Variants in CACNA2D3 observed in about 807,000 individuals in gnomAD.
CACNA2D3 encodes the protein voltage-dependent calcium channel subunit alpha-2/delta-3.
CACNA2D3 carries 60 observed loss-of-function variants against 160.6 expected under a neutral mutation model. The ratio of observed to expected loss-of-function variants is 0.37; its 90% confidence interval spans 0.30 to 0.46. The LOEUF (loss-of-function observed/expected upper bound fraction) is 0.46. Ranked by LOEUF, CACNA2D3 falls within the 20% of genes least tolerant of loss-of-function variation. The probability of loss-of-function intolerance (pLI) is 1.00; values close to 1 mark genes in which losing one functional copy is unlikely to be tolerated. For missense variants in CACNA2D3, 1,205 were observed against 1,365.0 expected, an observed-to-expected ratio of 0.88 and a Z score of 1.85; for synonymous variants, 558 against 492.9, an observed-to-expected ratio of 1.13 and a Z score of -1.75.
chr3:54,623,129 G>A (rs1294020496), intron 9 of CACNA2D3, among the ~76,000 whole-genome samples: 1 of 152,224 alleles, frequency 6.6e-6, no homozygotes, highest in East Asian at 1.9e-4. Flanking sequence ...AAGCAGAGGA[G>A]CAAAGGTATT....
chr3:54,321,184 T>G (rs1431747406), intron 3 of CACNA2D3, among the ~76,000 whole-genome samples: 1 of 151,700 alleles, frequency 6.6e-6, no homozygotes, highest in Non-Finnish European at 1.5e-5. Flanking sequence ...GCCGGGTGTG[T>G]TGGTGGGTGC....
chr3:54,924,716 C>T (rs778981785), intron 27 of CACNA2D3: 13 of 1,614,022 alleles, frequency 8.1e-6, no homozygotes, highest in South Asian at 5.5e-5. Flanking sequence ...TCACACTGGG[C>T]ATGGATTCCA....
intron 3 of CACNA2D3, among the ~76,000 whole-genome samples, chr3:54,373,464 T>C (rs1186628161): frequency 6.6e-6 from 1 of 152,224 alleles, no homozygotes; most frequent in Non-Finnish European, 1.5e-5. Flanking sequence ...TTTAAATATA[T>C]ACATTTCACA....
chr3:54,996,727 C>G (rs2360665), intron 31 of CACNA2D3, among the ~76,000 whole-genome samples: 61,787 of 151,994 alleles, frequency 0.41, 13,884 homozygotes, highest in East Asian at 0.56. Flanking sequence ...CAGACTGGTA[C>G]TAAGCCCTGG....
At chr3:54,646,110 CCTTCCTTCCTTCCTTT>C (rs1436820648) in intron 11 of CACNA2D3, among the ~76,000 whole-genome samples, 17 of 126,050 alleles carry the variant, frequency 1.3e-4, no homozygotes, top group Admixed American at 2.7e-4. Context: ...GGTTTTCCTT[CCTTCCTTCCTTCCTTT>C]CTTCCTTCCT....
At chr3:54,412,264 C>G (rs1699679406) in intron 4 of CACNA2D3, among the ~76,000 whole-genome samples, 1 of 151,922 alleles carries the variant, frequency 6.6e-6, no homozygotes, top group African/African-American at 2.4e-5. Context: ...TTAATATATC[C>G]TGTTTTCATT....
At chr3:54,500,503 A>ACC (rs1179189211) in intron 4 of CACNA2D3, among the ~76,000 whole-genome samples, 20 of 86,226 alleles carry the variant, frequency 2.3e-4, no homozygotes, top group Non-Finnish European at 3.9e-4. Flanking sequence ...CTTCCTTCCT[A>ACC]TCTTCCTTCC....
chr3:54,387,082 T>G (rs1699200670), intron 4 of CACNA2D3, among the ~76,000 whole-genome samples: 1 of 152,196 alleles, frequency 6.6e-6, no homozygotes, highest in Non-Finnish European at 1.5e-5. Context: ...GGTGAATTGA[T>G]AAGATAGCAG....
chr3:54,438,733 AT>A (rs1487390491), intron 4 of CACNA2D3, among the ~76,000 whole-genome samples: 1 of 152,222 alleles, frequency 6.6e-6, no homozygotes, highest in African/African-American at 2.4e-5. Flanking sequence ...AAGTGCATTA[AT>A]TATCCATTAA....
At chr3:54,984,171 C>T in intron 29 of CACNA2D3, among the ~76,000 whole-genome samples, 1 of 152,138 alleles carries the variant, frequency 6.6e-6, no homozygotes, top group East Asian at 1.9e-4. Flanking sequence ...ACGGTGTTTT[C>T]ATTAATACAT....
chr3:54,505,209 A>C (rs1018318261), intron 5 of CACNA2D3, among the ~76,000 whole-genome samples: 1 of 152,162 alleles, frequency 6.6e-6, no homozygotes, highest in Admixed American at 6.5e-5. Context: ...TCCGAGGTGA[A>C]TCAGATGCAG....
At chr3:55,027,590 G>A (rs1321833615) in intron 35 of CACNA2D3, among the ~76,000 whole-genome samples, 6 of 152,076 alleles carry the variant, frequency 3.9e-5, no homozygotes, top group African/African-American at 1.4e-4. Context: ...AGATTTTTCA[G>A]GTCTAGTTCT....
chr3:54,735,871 A>AT (rs1437826333), intron 11 of CACNA2D3, among the ~76,000 whole-genome samples: 53 of 149,090 alleles, frequency 3.6e-4, no homozygotes, highest in African/African-American at 1.2e-3. Context: ...TGGAAAAAAA[A>AT]TAAAAAAATA....
chr3:54,481,207 G>C (rs75135045), intron 4 of CACNA2D3, among the ~76,000 whole-genome samples: 1 of 152,270 alleles, frequency 6.6e-6, no homozygotes, highest in Non-Finnish European at 1.5e-5. Context: ...AAGGACATTT[G>C]TTGAGAAGCC....
intron 2 of CACNA2D3, among the ~76,000 whole-genome samples, chr3:54,234,162 TA>T (rs1215245784): frequency 9.2e-5 from 14 of 151,606 alleles, no homozygotes; most frequent in Admixed American, 2.0e-4. Context: ...AAATTTACAA[TA>T]AAAAAAACTC....
chr3:54,994,667 A>G (rs2107120828), intron 31 of CACNA2D3, among the ~76,000 whole-genome samples: 1 of 152,324 alleles, frequency 6.6e-6, no homozygotes, highest in African/African-American at 2.4e-5. Flanking sequence ...CCAGGCAGTT[A>G]ACATGCATTA....
chr3:54,321,331 A>G (rs1703987533), intron 3 of CACNA2D3, among the ~76,000 whole-genome samples: 1 of 151,998 alleles, frequency 6.6e-6, no homozygotes, highest in African/African-American at 2.4e-5. Context: ...AAAAAAAAAA[A>G]AAGTTTTTAA....
At position 54,307,616 on chromosome 3, in the gene CACNA2D3, C is replaced by T. The variant is rs147241607; in HGVS notation, c.205-12826C>T. 8.5e-5 allele frequency among the ~76,000 whole-genome samples: 13 copies of T among 152,348 alleles called. 1 individual carries two copies. The highest frequency in any genetic ancestry group is 3.1e-4 in the African/African-American group (13 of 41,594). On this transcript the variant is annotated intron_variant, in intron 2 of 37. Transcript: ENST00000474759. ...GTCCAGCTGTGCCATAAACCAGCGT[C>T]TCTTTACTCAATTTGGAGGTGAAAG...
At chr3:54,824,906 G>A (rs944592218) in intron 14 of CACNA2D3, among the ~76,000 whole-genome samples, 1 of 152,142 alleles carries the variant, frequency 6.6e-6, no homozygotes, top group African/African-American at 2.4e-5. Context: ...TAGGCAAAAA[G>A]AACTTGGTGT....
Sources: gnomAD v4.1 joint callset for allele counts (sites outside exome capture counted in the v4.1 genomes callset) on GRCh38, gnomAD v4.1.1 for gene constraint, MANE v1.5 for transcripts, NCBI Gene and HGNC (gene_info 2026-07-23, HGNC 2026-07-21) for gene names.